The following NCAPG2 variants were observed in gnomAD, a reference collection of about 807,000 sequenced individuals.
NCAPG2 encodes the protein non-SMC condensin II complex subunit G2, also known as condensin-2 complex subunit G2.
In NCAPG2, 53 loss-of-function variants were observed where a neutral mutation model predicts 141.1. The observed-to-expected ratio is 0.38, with a 90% CI of 0.30 to 0.47. The LOEUF is 0.47. NCAPG2 is among the 20% of genes least tolerant of loss of function. NCAPG2 has a pLI of 0.99. For synonymous variants in NCAPG2, 499 were observed against 490.7 expected, an observed-to-expected ratio of 1.02 and a Z score of -0.22; for missense variants, 1,087 against 1,389.0, an observed-to-expected ratio of 0.78 and a Z score of 3.46.
intron 24 of NCAPG2, among the ~76,000 whole-genome samples, chr7:158,647,673 T>C (rs888615428): frequency 1.3e-5 from 2 of 152,106 alleles, no homozygotes; most frequent in East Asian, 1.9e-4. Context: ...GGAGATTTCA[T>C]TTAGGCATGA....
intron 13 of NCAPG2, among the ~76,000 whole-genome samples, chr7:158,670,624 G>C (rs1371018160): frequency 6.6e-6 from 1 of 152,148 alleles, no homozygotes; most frequent in African/African-American, 2.4e-5. Context: ...ACCCATATCT[G>C]AGCAATATTT....
chr7:158,638,631 C>G (rs1219164727), intron 27 of NCAPG2, among the ~76,000 whole-genome samples: 1 of 152,118 alleles, frequency 6.6e-6, no homozygotes, highest in Non-Finnish European at 1.5e-5. Context: ...TACAGCAGTT[C>G]TAAACTTATA....
At chr7:158,662,149 C>T (rs1242303244) in intron 16 of NCAPG2, 45 bp downstream of exon 16, 2 of 1,512,676 alleles carry the variant, frequency 1.3e-6, no homozygotes, top group African/African-American at 1.4e-5. Flanking sequence ...TCTAAACAAA[C>T]GTAACCTTAA....
intron 27 of NCAPG2, 143 bp downstream of exon 27, chr7:158,644,146 A>G (rs760285443): frequency 1.6e-6 from 1 of 610,288 alleles, no homozygotes; most frequent in Non-Finnish European, 2.8e-6. Context: ...GGTCTTTGCC[A>G]ACAGAAACAT....
At chr7:158,658,315 G>A (rs376309110) in intron 17 of NCAPG2, 23 bp downstream of exon 17, 98 of 1,589,392 alleles carry the variant, frequency 6.2e-5, no homozygotes, top group South Asian at 4.9e-4. Flanking sequence ...CTTTTCTACC[G>A]TACCAAAAAA....
At chr7:158,690,017 AG>A in intron 5 of NCAPG2, 64 bp from the exon 6 acceptor site, 2 of 1,259,408 alleles carry the variant, frequency 1.6e-6, no homozygotes, top group Non-Finnish European at 2.1e-6. Flanking sequence ...TTTCAAATCA[AG>A]TATATTTTAT....
At chr7:158,676,724 T>G (rs1212023284) in intron 11 of NCAPG2, among the ~76,000 whole-genome samples, 1 of 152,210 alleles carries the variant, frequency 6.6e-6, no homozygotes, top group Admixed American at 6.5e-5. Context: ...GCATGACATT[T>G]TCTATTAGAA....
chr7:158,631,601 A>T lies in NCAPG2; in HGVS notation c.*65T>A. 5.8e-6 allele frequency: 8 copies of T among 1,377,942 alleles called. No homozygotes were observed. Among genetic ancestry groups the T allele is most frequent in the Non-Finnish European group, 8.3e-6 (8 of 969,306 alleles). 85.4% of individuals were successfully genotyped at this position (1,377,942 alleles called of 1,614,324 possible). ...TATTAACATTAAAAACAATAGGAAAATACACAGGCATTTCAATTTGAATCA... is the reference window on the plus strand; with the variant it reads ...TATTAACATTAAAAACAATAGGAAATTACACAGGCATTTCAATTTGAATCA... On this transcript the variant is annotated 3_prime_UTR_variant, in exon 28 of 28. Coordinates refer to ENST00000356309, the MANE Select transcript of NCAPG2 (RefSeq NM_017760.7).
chr7:158,673,064 G>T (rs1486240688), intron 12 of NCAPG2, among the ~76,000 whole-genome samples: 1 of 152,194 alleles, frequency 6.6e-6, no homozygotes. Context: ...GAGAAGACCG[G>T]CCAGGGAGCT....
chr7:158,675,941 C>T (rs1587234363), intron 11 of NCAPG2, among the ~76,000 whole-genome samples: 1 of 152,316 alleles, frequency 6.6e-6, no homozygotes, highest in South Asian at 2.1e-4. Context: ...CTCAGCTGAC[C>T]ATGGCAGGTG....
In NCAPG2 at chr7:158,680,714, T is replaced by C. The variant is rs1484454040; in HGVS notation, c.1020+7A>G. The C allele has an allele frequency of 6.6e-7, 1 of 1,507,248 alleles. No homozygotes were observed. The highest frequency in any genetic ancestry group is 2.0e-5 in the Admixed American group (1 of 49,282). The allele number at this position is 1,507,248 out of a possible 1,614,324, so 93.4% of individuals were successfully genotyped here. On this transcript the variant is annotated splice_region_variant and intron_variant, in intron 10 of 27. Coordinates refer to ENST00000356309, the MANE Select transcript of NCAPG2 (RefSeq NM_017760.7). ...CCAAACACGGATAAACTATTTGAAA[T>C]GTATACCTTTAATCCTCTCCAAAGG...
chr7:158,689,626 T>C (rs73167204), intron 6 of NCAPG2, among the ~76,000 whole-genome samples, 193 bp downstream of exon 6: 4,252 of 152,276 alleles, frequency 0.028, 79 homozygotes, highest in Admixed American at 0.042. Context: ...ACCATCCAAT[T>C]TAATGATGAA....
At position 158,656,574 on chromosome 7, in the gene NCAPG2, G is replaced by A. The variant is rs912184329; in HGVS notation, c.2192C>T (p.Pro731Leu). The change falls in exon 18 of 28, where the codon CCC (proline) becomes CTC (leucine). Residue 731 changes from proline to leucine, a missense_variant. Transcript: ENST00000356309. ...HILELVDNWLPTEHAQAKSNT... is the reference protein window; with the variant it reads ...HILELVDNWLLTEHAQAKSNT... Reference sequence around the variant, plus strand: ...TACCTTGGCCTGGGCATGCTCTGTGGGCAGCCAGTTGTCAACAAGCTCCAG... The same window carrying A: ...TACCTTGGCCTGGGCATGCTCTGTGAGCAGCCAGTTGTCAACAAGCTCCAG... 5.0e-6 allele frequency: 8 copies of A among 1,613,920 alleles called. No homozygotes were observed. Among genetic ancestry groups the A allele is most frequent in the Non-Finnish European group, 6.8e-6 (8 of 1,180,030 alleles).
At chr7:158,693,047 A>C in intron 3 of NCAPG2, 91 bp from the exon 4 acceptor site, 1 of 964,474 alleles carries the variant, frequency 1.0e-6, no homozygotes, top group Non-Finnish European at 1.6e-6. Context: ...TTTTCTAAAA[A>C]TCAAGCCACA....
intron 27 of NCAPG2, chr7:158,639,740 G>T: frequency 1.7e-6 from 1 of 574,608 alleles, no homozygotes; most frequent in Non-Finnish European, 2.2e-6. Flanking sequence ...ACCAACTAAT[G>T]CTGAGAGCAA....
At chr7:158,667,258 C>A in intron 13 of NCAPG2, 2 of 980,334 alleles carry the variant, frequency 2.0e-6, no homozygotes, top group African/African-American at 3.5e-5. Flanking sequence ...GGGCCAGAGA[C>A]CCTGTGTCCC....
In NCAPG2 at chr7:158,664,518, C is replaced by T. The variant is rs751347585; in HGVS notation, c.1702+10G>A. On this transcript the variant is annotated intron_variant, in intron 14 of 27. Coordinates refer to ENST00000356309, the MANE Select transcript of NCAPG2 (RefSeq NM_017760.7). ...CATAACAAGAACTGAGAAATAACAG[C>T]ACTCCCTACCTATGTTGGTGCAGGC... 2 of 1,611,168 alleles carry T rather than the reference C, an allele frequency of 1.2e-6. No individual in the cohort carries two copies. Among genetic ancestry groups the T allele is most frequent in the Non-Finnish European group, 1.7e-6 (2 of 1,178,050 alleles).
intron 8 of NCAPG2, 142 bp downstream of exon 8, chr7:158,686,030 G>T (rs1016822909): frequency 1.7e-4 from 88 of 520,972 alleles, no homozygotes; most frequent in Non-Finnish European, 1.2e-4. Context: ...TGACTGGATT[G>T]CCCATCAAAT....
chr7:158,689,882 A>G lies in NCAPG2; in HGVS notation c.609T>C (p.Ser203=), dbSNP rs1835013399. ...CAAGTAACATATCTTTAATTTCTCC[A>G]CTTTCCTCCAAATCATAATCAAAGC... The part of the protein sequence containing the change: ...LYCFDYDLEE[S]GEIKDMLLEC... The change falls in exon 6 of 28, where the codon AGT becomes AGC. Residue 203 remains serine (S), a synonymous_variant. Transcript: ENST00000356309. 3 of 1,604,456 alleles carry G rather than the reference A, an allele frequency of 1.9e-6. No individual in the cohort carries two copies. The African/African-American group carries it at 4.0e-5, about 21-fold the overall frequency.
Sources: gnomAD v4.1 joint callset for allele counts (sites outside exome capture counted in the v4.1 genomes callset) on GRCh38, gnomAD v4.1.1 for gene constraint, MANE v1.5 for transcripts, NCBI Gene and HGNC (gene_info 2026-07-23, HGNC 2026-07-21) for gene names.